SYT16: variants seen among roughly 807,000 people sequenced by gnomAD.
SYT16 encodes the protein synaptotagmin-16.
In SYT16, 42 loss-of-function variants were observed where a neutral mutation model predicts 61.4. The observed-to-expected ratio is 0.68, with a 90% confidence interval of 0.53 to 0.89. SYT16 has a LOEUF of 0.89. Among genes scored for constraint, SYT16 ranks in the 40% least tolerant of loss-of-function variants. The pLI is 0.00. For synonymous variants in SYT16, 314 were observed against 302.3 expected (o/e 1.04, Z -0.40); for missense variants, 804 against 807.3 (o/e 1.00, Z 0.05).
At chr14:61,967,165 C>G (rs960019867) in intron 1 of SYT16, among the ~76,000 whole-genome samples, 2 of 152,132 alleles carry the variant, frequency 1.3e-5, no homozygotes, top group Admixed American at 1.3e-4. Context: ...ATGCAAAGAT[C>G]TGGAGGTGTG....
intron 1 of SYT16, among the ~76,000 whole-genome samples, chr14:61,826,181 G>T (rs1350616837): frequency 6.6e-6 from 1 of 151,482 alleles, no homozygotes; most frequent in African/African-American, 2.5e-5. Context: ...GCCCTGGACA[G>T]GATGCCATCC....
chr14:61,951,940 C>G (rs921863584), intron 1 of SYT16, among the ~76,000 whole-genome samples: 1 of 152,082 alleles, frequency 6.6e-6, no homozygotes, highest in Non-Finnish European at 1.5e-5. Flanking sequence ...CAGGTAGGTG[C>G]CACCATGCCC....
intron 5 of SYT16, 144 bp downstream of exon 5, chr14:62,075,535 C>T: frequency 1.2e-6 from 1 of 831,346 alleles, no homozygotes. Context: ...GTCCAGATGA[C>T]CAAAATCCCA....
At chr14:61,894,660 C>T (rs1359907489) in intron 1 of SYT16, among the ~76,000 whole-genome samples, 1 of 152,080 alleles carries the variant, frequency 6.6e-6, no homozygotes, top group Non-Finnish European at 1.5e-5. Context: ...AAGTGTGCCG[C>T]TAGGTGGCGT....
At chr14:61,853,952 C>T (rs140760382) in intron 1 of SYT16, among the ~76,000 whole-genome samples, 1 of 152,222 alleles carries the variant, frequency 6.6e-6, no homozygotes, top group African/African-American at 2.4e-5. Flanking sequence ...TATATACATG[C>T]ATATTGATAC....
In SYT16 at chr14:61,942,938, C is replaced by G. The variant is rs144655947; in HGVS notation, c.-324-27194C>G. 3.4e-3 allele frequency among the ~76,000 whole-genome samples: 512 copies of G among 152,098 alleles called. 4 individuals are homozygous for G. The highest frequency in any genetic ancestry group is 0.012 in the African/African-American group (498 of 41,494). ...AACCCTTCAAAAAAATCAATGAATC[C>G]AGGAGCTGGTTTTTTGAAAAGATTA... is the stretch of plus-strand genomic sequence containing the variant. On this transcript the variant is annotated intron_variant, in intron 1 of 7. Transcript: ENST00000683842.
chr14:62,038,336 C>T (rs2054590261), intron 3 of SYT16, among the ~76,000 whole-genome samples: 1 of 151,514 alleles, frequency 6.6e-6, no homozygotes, highest in Non-Finnish European at 1.5e-5. Flanking sequence ...ATATACCATA[C>T]TCTAGCAGCA....
At chr14:61,899,591 C>CTTTGA (rs772449997) in intron 1 of SYT16, among the ~76,000 whole-genome samples, 37 of 152,144 alleles carry the variant, frequency 2.4e-4, no homozygotes, top group South Asian at 1.9e-3. Context: ...TCAAATGTAG[C>CTTTGA]ATCATGAGCT....
intron 1 of SYT16, among the ~76,000 whole-genome samples, chr14:61,868,580 A>G (rs1299381586): frequency 2.0e-4 from 31 of 151,958 alleles, no homozygotes; most frequent in Non-Finnish European, 4.4e-5. Flanking sequence ...ATTTATAAGT[A>G]TGTTCTTTAG....
At chr14:61,864,830 G>C (rs1032870561) in intron 1 of SYT16, 96 of 1,014,176 alleles carry the variant, frequency 9.5e-5, no homozygotes, top group Non-Finnish European at 1.4e-4. Flanking sequence ...CCATTATGAC[G>C]GTGGGCCTTG....
At chr14:62,072,224 TGTCC>T (rs1186892668) in intron 4 of SYT16, among the ~76,000 whole-genome samples, 1 of 152,220 alleles carries the variant, frequency 6.6e-6, no homozygotes, top group East Asian at 1.9e-4. Context: ...ATTACTCTGG[TGTCC>T]TCAAAACCAG....
At chr14:62,051,547 C>T (rs769142961) in intron 3 of SYT16, among the ~76,000 whole-genome samples, 36 of 152,354 alleles carry the variant, frequency 2.4e-4, no homozygotes, top group African/African-American at 1.2e-4. Context: ...AGAAATCACC[C>T]GTCTTCTGCA....
intron 1 of SYT16, among the ~76,000 whole-genome samples, chr14:61,844,274 G>GTT (rs377686048): frequency 6.6e-6 from 1 of 151,116 alleles, no homozygotes; most frequent in Non-Finnish European, 1.5e-5. Context: ...AGTTCTAATA[G>GTT]TTTTTTTTTG....
At position 61,817,220 on chromosome 14, in the gene SYT16, C is replaced by A. The variant is rs189599404; in HGVS notation, c.-325+4410C>A. 4.5e-3 allele frequency among the ~76,000 whole-genome samples: 681 copies of A among 151,718 alleles called. 3 individuals are homozygous for A. The highest frequency in any genetic ancestry group is 0.015 in the African/African-American group (639 of 41,330). On this transcript the variant is annotated intron_variant, in intron 1 of 7. Coordinates refer to ENST00000683842, the MANE Select transcript of SYT16 (RefSeq NM_001367656.1). ...TCGCCTGAGGTCAGGAGTTTGCGAC[C>A]AGCCTGGCCAACATGGTGAAATCCT...
chr14:62,045,296 C>G (rs1391408508), intron 3 of SYT16, among the ~76,000 whole-genome samples: 1 of 152,078 alleles, frequency 6.6e-6, no homozygotes, highest in African/African-American at 2.4e-5. Flanking sequence ...GTTTTTCCTT[C>G]TAAAACAGCT....
At chr14:61,938,190 A>G (rs2050065978) in intron 1 of SYT16, among the ~76,000 whole-genome samples, 1 of 152,180 alleles carries the variant, frequency 6.6e-6, no homozygotes, top group Non-Finnish European at 1.5e-5. Flanking sequence ...GGGGATTGCT[A>G]CAGGCTCTGC....
intron 3 of SYT16, among the ~76,000 whole-genome samples, chr14:62,053,678 T>C (rs2055411691): frequency 6.6e-6 from 1 of 152,214 alleles, no homozygotes; most frequent in Non-Finnish European, 1.5e-5. Flanking sequence ...AAGTATGAAT[T>C]AAGACTGCAA....
chr14:62,080,607 AT>A (rs1440382139), intron 5 of SYT16, among the ~76,000 whole-genome samples: 1 of 152,200 alleles, frequency 6.6e-6, no homozygotes, highest in Non-Finnish European at 1.5e-5. Context: ...TTAGTTATCC[AT>A]TCCAAAAACA....
chr14:62,098,716 G>A (rs2057342176), intron 7 of SYT16, among the ~76,000 whole-genome samples: 1 of 152,148 alleles, frequency 6.6e-6, no homozygotes, highest in Admixed American at 6.5e-5. Context: ...TGGTTAATAA[G>A]GAAATCCCTC....
Sources: allele counts gnomAD v4.1 joint callset (sites outside exome capture counted in the v4.1 genomes callset), GRCh38; gene constraint gnomAD v4.1.1; transcripts MANE v1.5; gene names NCBI Gene and HGNC (gene_info 2026-07-23, HGNC 2026-07-21).